C5orf46: variants seen among roughly 807,000 people sequenced by gnomAD.
The protein encoded by C5orf46 is uncharacterized protein C5orf46.
In C5orf46, 9 loss-of-function variants were observed where a neutral mutation model predicts 8.9. That is an observed-to-expected ratio of 1.01 (90% CI 0.61 to 1.76). The LOEUF (loss-of-function observed/expected upper bound fraction) is 1.76. Among genes scored for constraint, C5orf46 ranks in the 40% most tolerant of loss-of-function variants. The pLI, the probability that C5orf46 is intolerant of heterozygous loss-of-function variation, is 0.00. For missense variants in C5orf46, 98 were observed against 107.8 expected (o/e 0.91, Z 0.40); for synonymous variants, 47 against 41.4 (o/e 1.14, Z -0.52).
At chr5:147,888,488 G>T, downstream of C5orf46, among the ~76,000 whole-genome samples, 1 of 152,106 alleles carries the variant, frequency 6.6e-6, no homozygotes, top group East Asian at 1.9e-4. Context: ...TTTCTTCATG[G>T]CTAGAGAACA....
Position 147,901,620 on chromosome 5 carries a change from A to C in C5orf46, c.215+9T>G. 6.2e-7 allele frequency: 1 copy of C among 1,610,414 alleles called. No homozygotes were observed. On this transcript the variant is annotated intron_variant, in intron 2 of 3. Transcript: ENST00000318315. ...TTGGACAAAAAGCAACGTTTTTCTC[A>C]GTGCTTACGTGCTCCTGGACATGGA...
chr5:147,902,846 T>C (rs755321162), intron 1 of C5orf46, among the ~76,000 whole-genome samples: 5 of 152,216 alleles, frequency 3.3e-5, no homozygotes, highest in African/African-American at 9.7e-5. Context: ...GTTTCATAAA[T>C]AGTGATTTTA....
intron 2 of C5orf46, among the ~76,000 whole-genome samples, chr5:147,885,896 A>G (rs931050500): frequency 2.0e-5 from 3 of 152,172 alleles, no homozygotes; most frequent in African/African-American, 4.8e-5. Context: ...GGTCATAACA[A>G]TTTTATTTTA....
chr5:147,904,154 A>T (rs2127132495), intron 1 of C5orf46, among the ~76,000 whole-genome samples: 1 of 152,140 alleles, frequency 6.6e-6, no homozygotes, highest in East Asian at 1.9e-4. Flanking sequence ...CCAGGTACTC[A>T]GAAGGATTGG....
At chr5:147,896,602 A>T (rs1338338633) in intron 3 of C5orf46, among the ~76,000 whole-genome samples, 1 of 152,156 alleles carries the variant, frequency 6.6e-6, no homozygotes, top group Non-Finnish European at 1.5e-5. Flanking sequence ...TCTCTGAATT[A>T]GGTTCAGCAA....
downstream of C5orf46, among the ~76,000 whole-genome samples, chr5:147,887,982 T>A (rs1281454682): frequency 6.6e-6 from 1 of 152,154 alleles, no homozygotes; most frequent in Non-Finnish European, 1.5e-5. Flanking sequence ...ATGCATTAGG[T>A]GTCATGGTCA....
chr5:147,887,948 A>G (rs1487887373), downstream of C5orf46, among the ~76,000 whole-genome samples: 1 of 152,202 alleles, frequency 6.6e-6, no homozygotes, highest in African/African-American at 2.4e-5. Context: ...GCAGGAGCAC[A>G]GGGACACAAG....
intron 3 of C5orf46, 74 bp from the exon 4 acceptor site, chr5:147,893,013 A>T (rs1223776708): frequency 6.6e-6 from 1 of 152,248 alleles, no homozygotes; most frequent in African/African-American, 2.4e-5. Context: ...TAAACCAAAT[A>T]ACTTTTAACC....
At chr5:147,888,814 G>A (rs1033636949), downstream of C5orf46, among the ~76,000 whole-genome samples, 6 of 152,140 alleles carry the variant, frequency 3.9e-5, no homozygotes, top group Non-Finnish European at 8.8e-5. Context: ...TATTTAAATT[G>A]TGTGGTTTTG....
intron 1 of C5orf46, among the ~76,000 whole-genome samples, chr5:147,905,008 A>T (rs1360814709): frequency 6.6e-6 from 1 of 151,636 alleles, no homozygotes; most frequent in Non-Finnish European, 1.5e-5. Flanking sequence ...TAATAATAGC[A>T]GCAAAATGAT....
At chr5:147,886,099 TTTTA>T (rs1757413452) in intron 2 of C5orf46, 1 of 152,204 alleles carries the variant, frequency 6.6e-6, no homozygotes, top group Non-Finnish European at 1.5e-5. Flanking sequence ...TTTTGTATAC[TTTTA>T]TTTATGTAAC....
chr5:147,900,781 G>A (rs544074647), intron 2 of C5orf46, among the ~76,000 whole-genome samples: 1 of 152,342 alleles, frequency 6.6e-6, no homozygotes, highest in East Asian at 1.9e-4. Context: ...AAATTAGAGA[G>A]CAGAGGCTTA....
At chr5:147,888,251 G>T (rs1412788174), downstream of C5orf46, among the ~76,000 whole-genome samples, 1 of 152,110 alleles carries the variant, frequency 6.6e-6, no homozygotes, top group Admixed American at 6.6e-5. Context: ...CCTTGCTCAA[G>T]AGCTTTTGGC....
intron 1 of C5orf46, among the ~76,000 whole-genome samples, chr5:147,903,939 G>C (rs187361031): frequency 6.6e-4 from 101 of 152,102 alleles, no homozygotes; most frequent in Admixed American, 4.1e-3. Flanking sequence ...GTAGAGACGG[G>C]GTTTCGCCAT....
At chr5:147,889,446 T>C, downstream of C5orf46, among the ~76,000 whole-genome samples, 1 of 152,128 alleles carries the variant, frequency 6.6e-6, no homozygotes, top group East Asian at 1.9e-4. Context: ...TTCCCCTCAT[T>C]TTTCCCTCTC....
chr5:147,887,089 TG>T (rs1757431062), intron 2 of C5orf46: 1 of 152,240 alleles, frequency 6.6e-6, no homozygotes, highest in East Asian at 1.9e-4. Context: ...ATGAATTATA[TG>T]ATTTCTTAGT....
downstream of C5orf46, among the ~76,000 whole-genome samples, chr5:147,890,824 T>C (rs1195581260): frequency 6.6e-6 from 1 of 150,688 alleles, no homozygotes; most frequent in East Asian, 1.9e-4. Context: ...AGTGAATAAC[T>C]CAGGTAGGAT....
downstream of C5orf46, among the ~76,000 whole-genome samples, chr5:147,891,548 G>C (rs532403084): frequency 6.6e-6 from 1 of 152,296 alleles, no homozygotes; most frequent in South Asian, 2.1e-4. Context: ...ATGTACAATA[G>C]ACAGGTGAAG....
chr5:147,896,375 T>A (rs895623594), intron 3 of C5orf46, among the ~76,000 whole-genome samples: 1 of 152,218 alleles, frequency 6.6e-6, no homozygotes, highest in Non-Finnish European at 1.5e-5. Context: ...CCTTAGTCAT[T>A]AATCACTTAG....
Sources: allele counts gnomAD v4.1 joint callset (sites outside exome capture counted in the v4.1 genomes callset), GRCh38; gene constraint gnomAD v4.1.1; transcripts MANE v1.5; gene names NCBI Gene and HGNC (gene_info 2026-07-23, HGNC 2026-07-21).